PHLPP1: variants seen among roughly 807,000 people sequenced by gnomAD.
PHLPP1 encodes the protein PH domain and leucine rich repeat protein phosphatase 1.
Under a neutral mutation model 117.2 loss-of-function variants are expected in PHLPP1, and 42 were observed. The ratio of observed to expected loss-of-function variants is 0.36; its 90% CI spans 0.28 to 0.46. The LOEUF (loss-of-function observed/expected upper bound fraction) is 0.46. Among genes scored for constraint, PHLPP1 ranks in the 20% least tolerant of loss-of-function variants. The pLI, the probability that PHLPP1 is intolerant of heterozygous loss-of-function variation, is 1.00. For synonymous variants in PHLPP1, 1,042 were observed against 970.7 expected, an observed-to-expected ratio of 1.07 and a Z score of -1.37; for missense variants, 2,084 against 2,241.9, an observed-to-expected ratio of 0.93 and a Z score of 1.42.
At chr18:62,969,390 G>T (rs1379260062) in intron 14 of PHLPP1, among the ~76,000 whole-genome samples, 1 of 152,070 alleles carries the variant, frequency 6.6e-6, no homozygotes, top group Non-Finnish European at 1.5e-5. Flanking sequence ...AACACGCTTT[G>T]TATGACTTGA....
chr18:62,826,463 T>C (rs985723686), intron 1 of PHLPP1, among the ~76,000 whole-genome samples: 1 of 152,202 alleles, frequency 6.6e-6, no homozygotes, highest in Non-Finnish European at 1.5e-5. Flanking sequence ...GATACTAATA[T>C]ACGTGGTCCT....
rs34849907 is a variant in PHLPP1, at chr18:62,968,529, C to CTT, written c.3561-3960_3561-3959dup. ...CTGTTCATAATATCCCATTATTAGG[C>CTT]TTTTTTTTTTTTTTTTTTTTTTTTT... On this transcript the variant is annotated intron_variant, in intron 14 of 16. Coordinates refer to ENST00000262719, the MANE Select transcript of PHLPP1 (RefSeq NM_194449.4). Among the ~76,000 whole-genome samples, 382 of 51,786 alleles carry CTT rather than the reference C, an allele frequency of 7.4e-3. 113 individuals carry two copies. The highest frequency in any genetic ancestry group is 0.012 in the African/African-American group (158 of 12,880). 34.0% of individuals were successfully genotyped at this position (51,786 alleles called of 152,430 possible).
chr18:62,881,893 G>A (rs1165241128), intron 4 of PHLPP1, among the ~76,000 whole-genome samples: 2 of 152,212 alleles, frequency 1.3e-5, no homozygotes, highest in Non-Finnish European at 2.9e-5. Context: ...AAAAGGAGTT[G>A]AGTCATGCCT....
At chr18:62,789,208 A>G (rs1356962598) in intron 1 of PHLPP1, among the ~76,000 whole-genome samples, 3 of 152,196 alleles carry the variant, frequency 2.0e-5, no homozygotes, top group African/African-American at 4.8e-5. Context: ...TTCCTTAAGC[A>G]TTAGTGAATA....
chr18:62,834,691 A>G (rs190063533), intron 2 of PHLPP1, among the ~76,000 whole-genome samples: 1 of 152,342 alleles, frequency 6.6e-6, no homozygotes, highest in East Asian at 1.9e-4. Context: ...ATTGACAACA[A>G]TAAACTGCAC....
In PHLPP1 at chr18:62,830,018, G is replaced by T; in HGVS notation, c.1577-17G>T. The T allele has an allele frequency of 1.3e-6, 2 of 1,583,488 alleles. No individual in the cohort carries two copies. The highest frequency in any genetic ancestry group is 1.7e-6 in the Non-Finnish European group (2 of 1,160,426). The stretch of plus-strand genomic sequence containing the variant: ...TCCATTTTAAAAGAATAACATGTTT[G>T]CTTCTGTTTATTTCAGGAAAACCTC... On this transcript the variant is annotated splice_polypyrimidine_tract_variant and intron_variant, in intron 1 of 16. Coordinates refer to ENST00000262719, the MANE Select transcript of PHLPP1 (RefSeq NM_194449.4).
chr18:62,958,497 C>T, intron 12 of PHLPP1, 132 bp from the exon 13 acceptor site: 1 of 775,802 alleles, frequency 1.3e-6, no homozygotes, highest in Admixed American at 2.8e-5. Flanking sequence ...AGATAAGCCT[C>T]CTTTTCCACA....
At chr18:62,774,624 A>C (rs560057372) in intron 1 of PHLPP1, among the ~76,000 whole-genome samples, 278 of 152,356 alleles carry the variant, frequency 1.8e-3, no homozygotes, top group African/African-American at 6.5e-3. Context: ...AAGCTGTCTT[A>C]AGAATTTGTA....
At chr18:62,819,751 T>C (rs12454652) in intron 1 of PHLPP1, among the ~76,000 whole-genome samples, 1 of 152,192 alleles carries the variant, frequency 6.6e-6, no homozygotes, top group Non-Finnish European at 1.5e-5. Context: ...GTTCAAGCGA[T>C]TCTCCTGCCT....
intron 4 of PHLPP1, among the ~76,000 whole-genome samples, chr18:62,864,441 C>A (rs1156938396): frequency 6.6e-6 from 1 of 152,150 alleles, no homozygotes; most frequent in Non-Finnish European, 1.5e-5. Flanking sequence ...CTATGAGGGC[C>A]TCTTGTATTC....
rs559092558 is a variant in PHLPP1 at position 62,958,145 on chromosome 18, C to T, written c.3325-484C>T. ...CCATGTTGGCCAGGCTGGTCTCAAA[C>T]CCCTGACCTCAAGTGATCCACCCTA... is the stretch of plus-strand genomic sequence containing the variant. On this transcript the variant is annotated intron_variant, in intron 12 of 16. Transcript: ENST00000262719. Among the ~76,000 whole-genome samples the T allele has an allele frequency of 5.2e-3, 788 of 152,340 alleles. 6 individuals carry two copies. Among genetic ancestry groups the T allele is most frequent in the African/African-American group, 0.018 (749 of 41,578 alleles).
intron 11 of PHLPP1, among the ~76,000 whole-genome samples, chr18:62,944,185 A>T (rs1255961885): frequency 2.6e-5 from 4 of 152,186 alleles, no homozygotes; most frequent in Admixed American, 6.5e-5. Context: ...ACTAATGGGG[A>T]ATCCTGTGCT....
intron 13 of PHLPP1, among the ~76,000 whole-genome samples, chr18:62,962,171 C>G (rs1011189771): frequency 6.6e-6 from 1 of 152,184 alleles, no homozygotes. Flanking sequence ...ACTTATTTCA[C>G]CTTGTGGTAG....
At chr18:62,738,495 T>C (rs1236641608) in intron 1 of PHLPP1, among the ~76,000 whole-genome samples, 1 of 152,226 alleles carries the variant, frequency 6.6e-6, no homozygotes, top group Non-Finnish European at 1.5e-5. Flanking sequence ...ATTTAAAGTA[T>C]GTGGGAGGAT....
At chr18:62,914,437 A>G (rs1049968970) in intron 8 of PHLPP1, among the ~76,000 whole-genome samples, 12 of 152,156 alleles carry the variant, frequency 7.9e-5, no homozygotes, top group African/African-American at 4.8e-5. Flanking sequence ...TCTTTTTAAA[A>G]GTTTAATTTA....
intron 10 of PHLPP1, among the ~76,000 whole-genome samples, chr18:62,932,732 T>G (rs905812841): frequency 6.6e-6 from 1 of 152,034 alleles, no homozygotes; most frequent in Non-Finnish European, 1.5e-5. Context: ...CTCTCACCAC[T>G]CCTATTGAAC....
At position 62,900,433 on chromosome 18, in the gene PHLPP1, C is replaced by CTTTTTTTTTTTTTTTTTTT. The variant is rs774225759; in HGVS notation, c.2445-2521_2445-2503dup. Among the ~76,000 whole-genome samples, 7 of 54,258 alleles carry CTTTTTTTTTTTTTTTTTTT rather than the reference C, an allele frequency of 1.3e-4. 2 individuals carry two copies. Among genetic ancestry groups the CTTTTTTTTTTTTTTTTTTT allele is most frequent in the Non-Finnish European group, 1.0e-4 (3 of 30,070 alleles). The allele number at this position is 54,258 out of a possible 152,430, so 35.6% of individuals were successfully genotyped here. On this transcript the variant is annotated intron_variant, in intron 6 of 16. Coordinates refer to ENST00000262719, the MANE Select transcript of PHLPP1 (RefSeq NM_194449.4). ...GTATTCTTGTTTTTTCTTTTTCTTT[C>CTTTTTTTTTTTTTTTTTTT]TTTTTTTTTTTTTTTTTTTTTTTTT...
intron 1 of PHLPP1, among the ~76,000 whole-genome samples, chr18:62,829,115 C>T (rs886723559): frequency 1.6e-4 from 24 of 152,158 alleles, no homozygotes; most frequent in Admixed American, 1.5e-3. Context: ...TTGCTTATTT[C>T]TCTGTCTCTG....
rs1010705887 is a variant in PHLPP1, at chr18:62,815,221, G to A, written c.1577-14814G>A. Among the ~76,000 whole-genome samples the A allele has an allele frequency of 4.0e-5, 6 of 149,702 alleles. No homozygotes were observed. In the Admixed American group the frequency reaches 4.0e-4, roughly 10 times the overall value. On this transcript the variant is annotated intron_variant, in intron 1 of 16. Transcript: ENST00000262719. The stretch of plus-strand genomic sequence containing the variant: ...TGCCCAGGCTGGAGTGCAGTGGCGC[G>A]ATCTCTGCTCACTGCAAGCTCTGCC...
Sources: gnomAD v4.1 joint callset for allele counts (sites outside exome capture counted in the v4.1 genomes callset) on GRCh38, gnomAD v4.1.1 for gene constraint, MANE v1.5 for transcripts, NCBI Gene and HGNC (gene_info 2026-07-23, HGNC 2026-07-21) for gene names.